The following NTRK2 variants were observed in gnomAD, a reference collection of about 807,000 sequenced individuals.
NTRK2 encodes the protein BDNF/NT-3 growth factors receptor.
Under a neutral mutation model 94.5 loss-of-function variants are expected in NTRK2, and 13 were observed. That is an observed-to-expected ratio of 0.14 (90% confidence interval 0.09 to 0.22). The LOEUF (loss-of-function observed/expected upper bound fraction) is 0.22, where lower values mean the gene tolerates loss of function less well. Ranked by LOEUF, NTRK2 falls within the 10% of genes least tolerant of loss-of-function variation. The pLI, the probability that NTRK2 is intolerant of heterozygous loss-of-function variation, is 1.00. For synonymous variants in NTRK2, 372 were observed against 407.4 expected, an observed-to-expected ratio of 0.91 and a Z score of 1.05; for missense variants, 639 against 1,071.2, an observed-to-expected ratio of 0.60 and a Z score of 5.63.
rs146535901 is a variant in NTRK2 at position 84,978,479 on chromosome 9, A to G, written c.2172+22962A>G. 1.4e-3 allele frequency among the ~76,000 whole-genome samples: 207 copies of G among 152,372 alleles called. 2 individuals are homozygous for G. Among genetic ancestry groups the G allele is most frequent in the East Asian group, 0.011 (56 of 5,192 alleles). On this transcript the variant is annotated intron_variant, in intron 17 of 18. Coordinates refer to ENST00000277120, the MANE Select transcript of NTRK2 (RefSeq NM_006180.6). ...AGGCTGAGAGAGGAGAGAAAGCTGC[A>G]GAAGAAAAGTTGGAAGCTAGCAGTG...
intron 17 of NTRK2, among the ~76,000 whole-genome samples, chr9:85,006,935 G>GT (rs1413037494): frequency 1.3e-5 from 2 of 152,134 alleles, no homozygotes; most frequent in African/African-American, 4.8e-5. Flanking sequence ...TGCCTTTTTG[G>GT]TTTTAGCTGC....
chr9:84,990,021 GC>G (rs150912882), intron 17 of NTRK2, among the ~76,000 whole-genome samples: 2,558 of 152,160 alleles, frequency 0.017, 64 homozygotes, highest in African/African-American at 0.058. Context: ...GGGGTTTTTT[GC>G]CTTTCACTCC....
chr9:84,975,604 C>T (rs1332971329), intron 17 of NTRK2, among the ~76,000 whole-genome samples: 1 of 152,108 alleles, frequency 6.6e-6, no homozygotes, highest in Non-Finnish European at 1.5e-5. Flanking sequence ...AAGGATGTGA[C>T]GTTATTACCA....
chr9:84,713,113 A>G (rs770115717), intron 6 of NTRK2, among the ~76,000 whole-genome samples: 23 of 152,174 alleles, frequency 1.5e-4, no homozygotes, highest in Non-Finnish European at 2.9e-4. Flanking sequence ...GTCTTTCTAA[A>G]AACTGCTGTC....
At chr9:84,883,567 A>G (rs1226190489) in intron 14 of NTRK2, among the ~76,000 whole-genome samples, 2 of 152,234 alleles carry the variant, frequency 1.3e-5, no homozygotes, top group South Asian at 2.1e-4. Context: ...CATAATCAAC[A>G]TGGAACTTGA....
intron 12 of NTRK2, among the ~76,000 whole-genome samples, chr9:84,773,249 A>G (rs2132871851): frequency 6.6e-6 from 1 of 152,354 alleles, no homozygotes; most frequent in East Asian, 1.9e-4. Context: ...CATTCCTTCA[A>G]CATCTATTTA....
At chr9:85,001,279 A>G (rs769354457) in intron 17 of NTRK2, among the ~76,000 whole-genome samples, 33 of 152,290 alleles carry the variant, frequency 2.2e-4, no homozygotes, top group Admixed American at 3.9e-4. Context: ...CTATTTCTCC[A>G]TGGGTCACCC....
intron 12 of NTRK2, among the ~76,000 whole-genome samples, chr9:84,839,631 G>A (rs534402464): frequency 6.6e-6 from 1 of 152,188 alleles, no homozygotes; most frequent in African/African-American, 2.4e-5. Flanking sequence ...ATCGGGCTGA[G>A]CGTTAGTTTT....
intron 12 of NTRK2, chr9:84,811,565 AG>A: frequency 3.8e-6 from 4 of 1,065,134 alleles, no homozygotes; most frequent in Non-Finnish European, 4.5e-6. Context: ...TACTCTGAAA[AG>A]GCCTGGGAGC....
chr9:84,748,968 C>T (rs933795043), intron 11 of NTRK2, among the ~76,000 whole-genome samples: 10 of 152,284 alleles, frequency 6.6e-5, no homozygotes, highest in African/African-American at 1.4e-4. Flanking sequence ...CATGGTGGCT[C>T]ATGCCTGTAA....
intron 9 of NTRK2, among the ~76,000 whole-genome samples, chr9:84,736,142 C>A (rs1588254199): frequency 6.6e-6 from 1 of 152,242 alleles, no homozygotes; most frequent in African/African-American, 2.4e-5. Context: ...TGATAAAATA[C>A]CCTCGTTTTA....
chr9:84,704,423 T>C (rs537453426), intron 4 of NTRK2, among the ~76,000 whole-genome samples: 1 of 151,864 alleles, frequency 6.6e-6, no homozygotes, highest in East Asian at 1.9e-4. Context: ...AGATTGGGTT[T>C]CACCGCATTA....
rs1471487908 is a variant in NTRK2 at position 84,698,874 on chromosome 9, AC to A, written c.213-3282del. On this transcript the variant is annotated intron_variant, in intron 2 of 18. Transcript: ENST00000277120. ...ATTCACCTTACTGGCTTCTTTTCTAACCCTATGATTTGATTCTTCACTTAGT... is the reference window on the plus strand; with the variant it reads ...ATTCACCTTACTGGCTTCTTTTCTAACCTATGATTTGATTCTTCACTTAGT... Among the ~76,000 whole-genome samples, 3 of 151,906 alleles carry A rather than the reference AC, an allele frequency of 2.0e-5. No homozygotes were observed. The East Asian group carries it at 5.8e-4, about 29-fold the overall frequency.
At chr9:84,993,562 C>A (rs546822390) in intron 17 of NTRK2, among the ~76,000 whole-genome samples, 3 of 152,360 alleles carry the variant, frequency 2.0e-5, no homozygotes, top group African/African-American at 7.2e-5. Context: ...CCCTACTCTG[C>A]ACAGCAGCCA....
At chr9:84,757,331 G>A (rs1309513594) in intron 12 of NTRK2, among the ~76,000 whole-genome samples, 1 of 152,142 alleles carries the variant, frequency 6.6e-6, no homozygotes. Flanking sequence ...TAACTGTATA[G>A]GGTGCATATA....
chr9:84,798,847 T>A (rs1422165892), intron 12 of NTRK2, among the ~76,000 whole-genome samples: 3 of 149,590 alleles, frequency 2.0e-5, no homozygotes, highest in African/African-American at 7.5e-5. Context: ...GAGACCTAGG[T>A]CTGCAGATAA....
intron 9 of NTRK2, among the ~76,000 whole-genome samples, chr9:84,741,687 G>C (rs1050611810): frequency 9.9e-5 from 15 of 152,162 alleles, no homozygotes; most frequent in African/African-American, 3.4e-4. Flanking sequence ...TTTTTGGAGG[G>C]ATGAAAGTGG....
At chr9:84,781,451 A>T (rs1224161760) in intron 12 of NTRK2, among the ~76,000 whole-genome samples, 1 of 152,190 alleles carries the variant, frequency 6.6e-6, no homozygotes, top group African/African-American at 2.4e-5. Context: ...ATAACTTTTC[A>T]TATATACAAA....
chr9:84,730,783 CAAAAAAAAA>C lies in NTRK2; in HGVS notation c.1159+2841_1159+2849del. 5.4e-3 allele frequency among the ~76,000 whole-genome samples: 130 copies of C among 24,148 alleles called. 2 individuals carry two copies. The highest frequency in any genetic ancestry group is 0.025 in the South Asian group (7 of 282). 15.8% of individuals were successfully genotyped at this position (24,148 alleles called of 152,430 possible). On this transcript the variant is annotated intron_variant, in intron 9 of 18. Transcript: ENST00000277120. The stretch of plus-strand genomic sequence containing the variant: ...AAACTAAAGAAAAATAAACAAATAG[CAAAAAAAAA>C]AAAAAAAAAAAAAAAATCCCTGCTT...
Sources: gnomAD v4.1 joint callset for allele counts (sites outside exome capture counted in the v4.1 genomes callset) on GRCh38, gnomAD v4.1.1 for gene constraint, MANE v1.5 for transcripts, NCBI Gene and HGNC (gene_info 2026-07-23, HGNC 2026-07-21) for gene names.